SEMA3A: variants seen among roughly 807,000 people sequenced by gnomAD.
SEMA3A encodes the protein semaphorin-3A.
A neutral mutation model predicts 97.9 loss-of-function variants in SEMA3A; 29 were observed. The observed-to-expected ratio is 0.30, with a 90% CI of 0.22 to 0.40. SEMA3A has a LOEUF of 0.40. Among genes scored for constraint, SEMA3A ranks in the 10% least tolerant of loss-of-function variants. The pLI is 1.00. For synonymous variants in SEMA3A, 321 were observed against 323.7 expected, an observed-to-expected ratio of 0.99 and a Z score of 0.09; for missense variants, 763 against 951.3, an observed-to-expected ratio of 0.80 and a Z score of 2.60.
At chr7:84,270,327 A>T (rs1025389041) in intron 3 of SEMA3A, among the ~76,000 whole-genome samples, 1 of 151,976 alleles carries the variant, frequency 6.6e-6, no homozygotes, top group Non-Finnish European at 1.5e-5. Flanking sequence ...AACACACTAC[A>T]TCTCAGACCT....
At chr7:84,084,964 C>G (rs1480511277) in intron 4 of SEMA3A, among the ~76,000 whole-genome samples, 1 of 151,534 alleles carries the variant, frequency 6.6e-6, no homozygotes, top group Non-Finnish European at 1.5e-5. Context: ...CAGTTGATTA[C>G]TAAAGAGCCA....
intron 1 of SEMA3A, among the ~76,000 whole-genome samples, chr7:84,425,581 GATATAA>G (rs1222519104): frequency 2.1e-5 from 3 of 144,088 alleles, no homozygotes; most frequent in African/African-American, 5.1e-5. Flanking sequence ...AACATATATT[GATATAA>G]ATATAAACAT....
chr7:84,298,286 C>T (rs12056008), intron 3 of SEMA3A, among the ~76,000 whole-genome samples: 7 of 152,174 alleles, frequency 4.6e-5, no homozygotes, highest in Admixed American at 1.3e-4. Context: ...AATATGAATT[C>T]TAATGAAACC....
intron 4 of SEMA3A, among the ~76,000 whole-genome samples, chr7:84,088,028 T>C (rs1794434087): frequency 6.6e-6 from 1 of 152,222 alleles, no homozygotes; most frequent in Admixed American, 6.5e-5. Flanking sequence ...AACTGTATTA[T>C]ACCAGTCATT....
chr7:84,162,533 G>C (rs991969535), intron 1 of SEMA3A, among the ~76,000 whole-genome samples: 1 of 151,932 alleles, frequency 6.6e-6, no homozygotes, highest in Non-Finnish European at 1.5e-5. Flanking sequence ...GGATGACTCT[G>C]ATTCTAAGTA....
At chr7:84,062,442 C>A (rs887923238) in intron 4 of SEMA3A, among the ~76,000 whole-genome samples, 2 of 152,208 alleles carry the variant, frequency 1.3e-5, no homozygotes, top group Non-Finnish European at 2.9e-5. Flanking sequence ...AGGAACAGCT[C>A]CGGTCTACGG....
At chr7:84,423,706 C>T (rs1247148553) in intron 1 of SEMA3A, among the ~76,000 whole-genome samples, 1 of 151,780 alleles carries the variant, frequency 6.6e-6, no homozygotes, top group African/African-American at 2.4e-5. Context: ...CTGTTTTGTT[C>T]CCTAGTTAGC....
intron 2 of SEMA3A, among the ~76,000 whole-genome samples, chr7:84,357,497 T>C (rs969022346): frequency 6.6e-6 from 1 of 152,092 alleles, no homozygotes; most frequent in African/African-American, 2.4e-5. Flanking sequence ...AGTATTCCAT[T>C]GTGTATATGT....
At chr7:84,004,882 G>A (rs771431559) in intron 11 of SEMA3A, among the ~76,000 whole-genome samples, 5 of 152,124 alleles carry the variant, frequency 3.3e-5, no homozygotes, top group Non-Finnish European at 4.4e-5. Context: ...AACAACATGG[G>A]TTTGAACTGT....
intron 1 of SEMA3A, among the ~76,000 whole-genome samples, chr7:84,467,170 G>T (rs1806019583): frequency 6.6e-6 from 1 of 152,076 alleles, no homozygotes; most frequent in South Asian, 2.1e-4. Flanking sequence ...GGAAACTGAG[G>T]TTAAGATGAA....
intron 3 of SEMA3A, among the ~76,000 whole-genome samples, chr7:84,239,206 A>C (rs985567101): frequency 6.6e-6 from 1 of 152,220 alleles, no homozygotes; most frequent in African/African-American, 2.4e-5. Flanking sequence ...AGGTAAAACC[A>C]AGCATTTAAA....
At chr7:84,447,433 A>G (rs555543918) in intron 1 of SEMA3A, among the ~76,000 whole-genome samples, 54 of 152,162 alleles carry the variant, frequency 3.5e-4, no homozygotes, top group African/African-American at 1.3e-3. Context: ...CAGAGTGAGA[A>G]CTTGTGCTTT....
At chr7:84,121,485 G>A (rs1229182457) in intron 3 of SEMA3A, among the ~76,000 whole-genome samples, 1 of 151,292 alleles carries the variant, frequency 6.6e-6, no homozygotes, top group Admixed American at 6.6e-5. Flanking sequence ...CCTTGCGATA[G>A]TTTGCTCAGA....
rs1329990379 is a variant in SEMA3A, at chr7:84,313,354, GTGTATATA to G, written c.-168-6070_-168-6063del. On this transcript the variant is annotated intron_variant, in intron 2 of 3. Transcript: ENST00000424555. ...CATATATATATATGTATATGTGTGT[GTGTATATA>G]TATATATATATATATATATATATAT... Among the ~76,000 whole-genome samples the G allele has an allele frequency of 9.0e-3, 331 of 36,806 alleles. 7 individuals carry two copies. Among genetic ancestry groups the G allele is most frequent in the South Asian group, 0.033 (41 of 1,254 alleles). The allele number at this position is 36,806 out of a possible 152,430, so 24.1% of individuals were successfully genotyped here.
Position 84,355,458 on chromosome 7 carries a change from T to C in SEMA3A, c.-169+16366A>G, listed in dbSNP as rs1802534924. Among the ~76,000 whole-genome samples, 3 of 151,880 alleles carry C rather than the reference T, an allele frequency of 2.0e-5. No individual in the cohort carries two copies. In the South Asian group the frequency reaches 6.2e-4, roughly 31 times the overall value. On this transcript the variant is annotated intron_variant, in intron 2 of 3. Coordinates refer to the SEMA3A transcript ENST00000424555. ...CAGGAAATACACAAACACATAATTG[T>C]ATCCTTTAGTAAAATATCAACTGCA...
chr7:84,410,063 T>C (rs1804218497), intron 1 of SEMA3A, among the ~76,000 whole-genome samples: 1 of 152,034 alleles, frequency 6.6e-6, no homozygotes, highest in Non-Finnish European at 1.5e-5. Context: ...AGAAAATTTT[T>C]CCATGGAGAA....
intron 3 of SEMA3A, among the ~76,000 whole-genome samples, chr7:84,219,387 G>A (rs943765454): frequency 2.0e-5 from 3 of 151,928 alleles, no homozygotes; most frequent in Middle Eastern, 3.4e-3. Flanking sequence ...TAAGGCTTTC[G>A]GTATAACTAA....
chr7:84,094,814 T>C (rs944713999), intron 4 of SEMA3A, among the ~76,000 whole-genome samples: 1 of 152,062 alleles, frequency 6.6e-6, no homozygotes, highest in Admixed American at 6.6e-5. Flanking sequence ...AGTTGAGAGA[T>C]GGACAATGCC....
At chr7:84,041,247 T>C (rs1190899409) in intron 6 of SEMA3A, among the ~76,000 whole-genome samples, 2 of 152,106 alleles carry the variant, frequency 1.3e-5, no homozygotes, top group African/African-American at 4.8e-5. Flanking sequence ...ACAGAGAAAG[T>C]ATGTCCTTGA....
Sources: allele counts gnomAD v4.1 joint callset (sites outside exome capture counted in the v4.1 genomes callset), GRCh38; gene constraint gnomAD v4.1.1; transcripts MANE v1.5; gene names NCBI Gene and HGNC (gene_info 2026-07-23, HGNC 2026-07-21).